The following ELL variants were observed in gnomAD, a reference collection of about 807,000 sequenced individuals.
ELL encodes the protein RNA polymerase II elongation factor ELL.
Under a neutral mutation model 64.0 loss-of-function variants are expected in ELL, and 18 were observed. The ratio of observed to expected loss-of-function variants is 0.28; its 90% CI spans 0.19 to 0.42. ELL has a LOEUF of 0.42. ELL is among the 10% of genes least tolerant of loss of function. ELL has a pLI of 1.00. For missense variants in ELL, 797 were observed against 870.4 expected, an observed-to-expected ratio of 0.92 and a Z score of 1.06; for synonymous variants, 399 against 376.2, an observed-to-expected ratio of 1.06 and a Z score of -0.70.
At chr19:18,487,036 C>T (rs963274523) in intron 1 of ELL, among the ~76,000 whole-genome samples, 1 of 152,224 alleles carries the variant, frequency 6.6e-6, no homozygotes, top group East Asian at 1.9e-4. Context: ...GATGCTTCCA[C>T]CACCACGCAG....
At chr19:18,520,581 G>A (rs1976243597) in intron 1 of ELL, among the ~76,000 whole-genome samples, 1 of 152,116 alleles carries the variant, frequency 6.6e-6, no homozygotes, top group African/African-American at 2.4e-5. Context: ...GAAGGGGTGG[G>A]CACCGGGAGA....
chr19:18,445,461 C>T (rs1020390267), intron 10 of ELL, 193 bp from the exon 11 acceptor site: 17 of 426,774 alleles, frequency 4.0e-5, no homozygotes, highest in Non-Finnish European at 5.8e-5. Context: ...GAAAGGCTGC[C>T]GGGTCCCCTG....
At chr19:18,516,220 T>C (rs572170896) in intron 1 of ELL, among the ~76,000 whole-genome samples, 2 of 152,148 alleles carry the variant, frequency 1.3e-5, no homozygotes, top group East Asian at 3.9e-4. Context: ...CAGCAGACAG[T>C]AGCCCCCAGC....
At chr19:18,456,070 C>CA (rs1249271022) in intron 6 of ELL, among the ~76,000 whole-genome samples, 1 of 151,300 alleles carries the variant, frequency 6.6e-6, no homozygotes, top group South Asian at 2.1e-4. Context: ...GCACTCCAGC[C>CA]TGGGCAACAA....
chr19:18,491,965 A>G (rs1975542401), intron 1 of ELL, among the ~76,000 whole-genome samples: 1 of 152,144 alleles, frequency 6.6e-6, no homozygotes, highest in Non-Finnish European at 1.5e-5. Flanking sequence ...ACATATACAC[A>G]CACTCCCTTT....
chr19:18,510,193 C>T (rs1438541511), intron 1 of ELL, among the ~76,000 whole-genome samples: 1 of 152,234 alleles, frequency 6.6e-6, no homozygotes, highest in East Asian at 1.9e-4. Flanking sequence ...CATGGTGAAA[C>T]CCCGTCTCTA....
At position 18,509,591 on chromosome 19, in the gene ELL, GCGCACATACACA is replaced by G. The variant is rs1345540654; in HGVS notation, c.135+12318_135+12329del. Among the ~76,000 whole-genome samples, 110 of 121,798 alleles carry G rather than the reference GCGCACATACACA, an allele frequency of 9.0e-4. 4 individuals carry two copies. Among genetic ancestry groups the G allele is most frequent in the Middle Eastern group, 3.9e-3 (1 of 256 alleles). 79.9% of individuals were successfully genotyped at this position (121,798 alleles called of 152,430 possible). The stretch of plus-strand genomic sequence containing the variant: ...CACAGGCCAATGCACGTGCGCGCGC[GCGCACATACACA>G]CACACACACACACACACACACACAC... On this transcript the variant is annotated intron_variant, in intron 1 of 11. Transcript: ENST00000262809.
At chr19:18,496,820 C>T (rs1274686416) in intron 1 of ELL, among the ~76,000 whole-genome samples, 2 of 152,188 alleles carry the variant, frequency 1.3e-5, no homozygotes, top group Non-Finnish European at 2.9e-5. Flanking sequence ...TATAAAAAAT[C>T]CAGAAGGAAA....
intron 4 of ELL, among the ~76,000 whole-genome samples, chr19:18,463,658 C>G (rs1182588355): frequency 6.6e-6 from 1 of 151,916 alleles, no homozygotes; most frequent in Non-Finnish European, 1.5e-5. Flanking sequence ...CAGACAGCGT[C>G]CCCTACCAGA....
At position 18,517,037 on chromosome 19, in the gene ELL, A is replaced by G. The variant is rs541686553; in HGVS notation, c.135+4884T>C. Among the ~76,000 whole-genome samples, 15 of 152,240 alleles carry G rather than the reference A, an allele frequency of 9.9e-5. No individual in the cohort carries two copies. The East Asian group carries it at 2.7e-3, about 27-fold the overall frequency. ...GCTTGTGATCCAAAAGAGGTCACTC[A>G]GCAACAGAGCCCATGCAAACACCTA... On this transcript the variant is annotated intron_variant, in intron 1 of 11. Coordinates refer to ENST00000262809, the MANE Select transcript of ELL (RefSeq NM_006532.4).
chr19:18,485,551 G>A (rs958961062), intron 1 of ELL, among the ~76,000 whole-genome samples: 5 of 152,120 alleles, frequency 3.3e-5, no homozygotes, highest in Admixed American at 2.6e-4. Context: ...GGAGACCAGG[G>A]AGACCAGGTC....
At chr19:18,494,005 C>T (rs926995128) in intron 1 of ELL, among the ~76,000 whole-genome samples, 2 of 152,218 alleles carry the variant, frequency 1.3e-5, no homozygotes, top group African/African-American at 2.4e-5. Flanking sequence ...CAAGGACAGG[C>T]AGGTCCACAC....
chr19:18,474,167 C>T (rs1975126724), intron 1 of ELL, among the ~76,000 whole-genome samples: 1 of 152,190 alleles, frequency 6.6e-6, no homozygotes. Flanking sequence ...CATCCAGTGC[C>T]CATCAGTTGG....
chr19:18,476,003 A>G (rs921952623), intron 1 of ELL: 1 of 152,346 alleles, frequency 6.6e-6, no homozygotes, highest in Non-Finnish European at 1.5e-5. Context: ...AACTGGCGTA[A>G]GACACAAGAA....
chr19:18,448,087 ATTT>A (rs74412361), intron 8 of ELL, among the ~76,000 whole-genome samples: 1 of 141,648 alleles, frequency 7.1e-6, no homozygotes, highest in African/African-American at 2.6e-5. Context: ...CACCTGGCGA[ATTT>A]TTTTTTTTTT....
intron 1 of ELL, among the ~76,000 whole-genome samples, chr19:18,477,799 G>A (rs896512243): frequency 6.6e-6 from 1 of 152,212 alleles, no homozygotes; most frequent in Non-Finnish European, 1.5e-5. Context: ...TGGACCTATG[G>A]ATTTGCAGAG....
intron 1 of ELL, chr19:18,473,259 T>C (rs762792125): frequency 3.0e-5 from 16 of 524,856 alleles, no homozygotes; most frequent in Middle Eastern, 2.9e-4. Flanking sequence ...CTCACAGCCC[T>C]GCCAGGAAAA....
intron 1 of ELL, among the ~76,000 whole-genome samples, chr19:18,519,806 CAA>C (rs1183522203): frequency 4.9e-4 from 31 of 63,004 alleles, no homozygotes; most frequent in African/African-American, 7.5e-4. Flanking sequence ...AACTCCATCT[CAA>C]AAAAAAAAAA....
At chr19:18,492,212 G>A (rs538784740) in intron 1 of ELL, among the ~76,000 whole-genome samples, 2 of 152,120 alleles carry the variant, frequency 1.3e-5, no homozygotes, top group Non-Finnish European at 2.9e-5. Flanking sequence ...ACCTACCTCT[G>A]TGAGGAGGCC....
Sources: gnomAD v4.1 joint callset for allele counts (sites outside exome capture counted in the v4.1 genomes callset) on GRCh38, gnomAD v4.1.1 for gene constraint, MANE v1.5 for transcripts, NCBI Gene and HGNC (gene_info 2026-07-23, HGNC 2026-07-21) for gene names.